The following ZNF710 variants were observed in gnomAD, a reference collection of about 807,000 sequenced individuals.
ZNF710 encodes the protein zinc finger protein 710.
ZNF710 carries 13 observed loss-of-function variants against 50.6 expected under a neutral mutation model. The observed-to-expected ratio is 0.26, with a 90% CI of 0.17 to 0.41. The LOEUF is 0.41. Among genes scored for constraint, ZNF710 ranks in the 10% least tolerant of loss-of-function variants. The pLI is 1.00. For synonymous variants in ZNF710, 383 were observed against 397.0 expected (o/e 0.96, Z 0.42); for missense variants, 721 against 936.6 (o/e 0.77, Z 3.01).
intron 1 of ZNF710, among the ~76,000 whole-genome samples, chr15:90,064,612 C>G (rs540005116): frequency 8.5e-5 from 13 of 152,304 alleles, no homozygotes; most frequent in African/African-American, 2.4e-4. Flanking sequence ...CTCAGACTCC[C>G]AAGCAGCTGG....
At chr15:90,036,997 G>T (rs1039275660) in intron 1 of ZNF710, among the ~76,000 whole-genome samples, 2 of 152,142 alleles carry the variant, frequency 1.3e-5, no homozygotes, top group African/African-American at 4.8e-5. Context: ...CAGGAGAATA[G>T]CACAAGCAAG....
chr15:90,037,354 G>A (rs748740987), intron 1 of ZNF710, among the ~76,000 whole-genome samples: 91 of 152,304 alleles, frequency 6.0e-4, no homozygotes, highest in Admixed American at 8.5e-4. Flanking sequence ...GAATCCCCAG[G>A]AGGGCTTTCG....
At chr15:90,014,447 T>A (rs1169341095) in intron 1 of ZNF710, among the ~76,000 whole-genome samples, 17 of 145,624 alleles carry the variant, frequency 1.2e-4, no homozygotes, top group Admixed American at 1.1e-3. Flanking sequence ...GAGGCTGAGG[T>A]GGGAGGATCA....
chr15:90,068,681 A>AT lies in ZNF710; in HGVS notation c.1458+89dup. On this transcript the variant is annotated intron_variant, in intron 2 of 4. Transcript: ENST00000268154. This position sits in a 1 kb window ranked among gnomAD's most constrained non-coding sequence, Gnocchi z 5.0. ...ACTTTCCAAAGTCCCAGATGGGACC[A>AT]TTTAGGTGGTCTCCTAGTTTTATCG... 1.4e-6 allele frequency: 2 copies of AT among 1,416,296 alleles called. No homozygotes were observed. The highest frequency in any genetic ancestry group is 1.9e-6 in the Non-Finnish European group (2 of 1,054,830). 87.7% of individuals were successfully genotyped at this position (1,416,296 alleles called of 1,614,324 possible).
At chr15:90,008,995 A>T (rs80326401) in intron 1 of ZNF710, among the ~76,000 whole-genome samples, 1 of 152,106 alleles carries the variant, frequency 6.6e-6, no homozygotes, top group Admixed American at 6.6e-5. Context: ...CATGTTATAT[A>T]TATGGAATCG....
intron 1 of ZNF710, among the ~76,000 whole-genome samples, chr15:90,015,207 A>G (rs1056893872): frequency 1.3e-5 from 2 of 152,218 alleles, no homozygotes; most frequent in Non-Finnish European, 2.9e-5. Flanking sequence ...CCAAATTTTT[A>G]AAGCAGGCTA....
rs980400760 is a variant in ZNF710 at position 90,063,207 on chromosome 15, C to A, written c.-28-3903C>A. ...ACTGAGGAGCCAGGCTCGGGTGTGA[C>A]CTCCGCGGGTGCATAGCTGCAGGAG... is the stretch of plus-strand genomic sequence containing the variant. On this transcript the variant is annotated intron_variant, in intron 1 of 4. Coordinates refer to ENST00000268154, the MANE Select transcript of ZNF710 (RefSeq NM_198526.4). Among the ~76,000 whole-genome samples the A allele has an allele frequency of 3.3e-5, 5 of 152,122 alleles. No individual in the cohort carries two copies. The South Asian group carries it at 8.3e-4, about 25-fold the overall frequency.
At chr15:90,035,494 A>G (rs976308074) in intron 1 of ZNF710, among the ~76,000 whole-genome samples, 3 of 152,242 alleles carry the variant, frequency 2.0e-5, no homozygotes, top group Admixed American at 6.5e-5. Flanking sequence ...CCTCAGCACC[A>G]TCGTGCTTCT....
In ZNF710 at chr15:90,074,127, G is replaced by A; in HGVS notation, c.1662G>A (p.Lys554=). 2 of 1,613,252 alleles carry A rather than the reference G, an allele frequency of 1.2e-6. No homozygotes were observed. Among genetic ancestry groups the A allele is most frequent in the Non-Finnish European group, 1.7e-6 (2 of 1,179,696 alleles). ...TTGATGTGTTCTAGGTGTGCGGGAA[G>A]TCCTTCAACCGCATGTACAACCTGC... ...VKPFKCKVCG[K]SFNRMYNLLG... Residue 554 remains lysine (K), a synonymous_variant, in exon 4 of 5, where the codon AAG becomes AAA. Coordinates refer to ENST00000268154, the MANE Select transcript of ZNF710 (RefSeq NM_198526.4).
At chr15:90,074,538 T>A in intron 4 of ZNF710, 3 of 1,447,028 alleles carry the variant, frequency 2.1e-6, no homozygotes. Flanking sequence ...TAACATTTAT[T>A]GAGTGCTAAC....
At position 90,034,433 on chromosome 15, in the gene ZNF710, TGTGTGTGTG is replaced by T. The variant is rs1425798719; in HGVS notation, c.-28-32676_-28-32668del. Among the ~76,000 whole-genome samples, 1 of 53,976 alleles carries T rather than the reference TGTGTGTGTG, an allele frequency of 1.9e-5. No homozygotes were observed. Among genetic ancestry groups the T allele is most frequent in the African/African-American group, 9.9e-5 (1 of 10,136 alleles). The allele number at this position is 53,976 out of a possible 152,430, so 35.4% of individuals were successfully genotyped here. Reference sequence around the variant, plus strand: ...TCCTTCCTGTTTCCAAATTCCTGTGTGTGTGTGTGTGTGTGTGTGTGTGTGTGTGTGTGT... The same window carrying T: ...TCCTTCCTGTTTCCAAATTCCTGTGTTGTGTGTGTGTGTGTGTGTGTGTGT... On this transcript the variant is annotated intron_variant, in intron 1 of 4. Coordinates refer to ENST00000268154, the MANE Select transcript of ZNF710 (RefSeq NM_198526.4). The surrounding 1 kb of genome is among the most constrained non-coding windows in gnomAD (Gnocchi z 4.0).
intron 1 of ZNF710, among the ~76,000 whole-genome samples, chr15:90,014,974 C>CG (rs1898412315): frequency 6.6e-6 from 1 of 151,398 alleles, no homozygotes; most frequent in Non-Finnish European, 1.5e-5. Flanking sequence ...CTCACCGCAG[C>CG]CTCTGTCTTC....
intron 1 of ZNF710, among the ~76,000 whole-genome samples, chr15:90,015,149 C>A (rs7162059): frequency 0.047 from 7,156 of 152,234 alleles, 524 homozygotes; most frequent in African/African-American, 0.16. Flanking sequence ...CCTCAGCCTC[C>A]CAAAGTGCTG....
chr15:90,002,676 A>C (rs2151453502), intron 1 of ZNF710: 1 of 152,366 alleles, frequency 6.6e-6, no homozygotes, highest in African/African-American at 2.4e-5. Flanking sequence ...ACTAGTGCGT[A>C]TCGGGTTTTT....
At position 90,034,017 on chromosome 15, in the gene ZNF710, C is replaced by T. The variant is rs981530500; in HGVS notation, c.-29+32403C>T. ...AGGAGTTCAAGACCAGCTTGGCTAA[C>T]ATGGTGAAACCCTGTCTTTACTAAA... On this transcript the variant is annotated intron_variant, in intron 1 of 4. Coordinates refer to ENST00000268154, the MANE Select transcript of ZNF710 (RefSeq NM_198526.4). This position sits in a 1 kb window ranked among gnomAD's most constrained non-coding sequence, Gnocchi z 4.0. 1.3e-5 allele frequency among the ~76,000 whole-genome samples: 2 copies of T among 152,128 alleles called. No homozygotes were observed. The highest frequency in any genetic ancestry group is 4.8e-5 in the African/African-American group (2 of 41,430).
chr15:90,049,045 T>C (rs958582563), intron 1 of ZNF710, among the ~76,000 whole-genome samples: 7 of 152,218 alleles, frequency 4.6e-5, no homozygotes, highest in African/African-American at 1.2e-4. Flanking sequence ...ATATTTTTAG[T>C]GATAGTGAGA....
At chr15:90,000,418 A>T (rs1897983517), upstream of ZNF710, among the ~76,000 whole-genome samples, 1 of 152,174 alleles carries the variant, frequency 6.6e-6, no homozygotes, top group African/African-American at 2.4e-5. Flanking sequence ...GGGAGCCGAG[A>T]GGGACCTGAC....
chr15:90,004,959 C>G (rs949372738), intron 1 of ZNF710, among the ~76,000 whole-genome samples: 1 of 152,192 alleles, frequency 6.6e-6, no homozygotes, highest in African/African-American at 2.4e-5. Flanking sequence ...ATCAGAGAAG[C>G]AGTTTAGTCA....
chr15:90,072,213 G>C (rs1900413066), intron 2 of ZNF710, among the ~76,000 whole-genome samples: 1 of 152,196 alleles, frequency 6.6e-6, no homozygotes, highest in South Asian at 2.1e-4. Context: ...AGAAAAGAAA[G>C]TTCACAGTCC....
Sources: gnomAD v4.1 joint callset for allele counts (sites outside exome capture counted in the v4.1 genomes callset) on GRCh38, gnomAD v4.1.1 for gene constraint, Gnocchi (gnomAD v3.1) non-coding constraint, MANE v1.5 for transcripts, NCBI Gene and HGNC (gene_info 2026-07-23, HGNC 2026-07-21) for gene names.